The following IFT172 variants were observed in gnomAD, a reference collection of about 807,000 sequenced individuals.
IFT172 encodes intraflagellar transport protein 172 homolog.
A neutral mutation model predicts 248.9 loss-of-function variants in IFT172; 164 were observed. That is an observed-to-expected ratio of 0.66 (90% CI 0.58 to 0.75). The LOEUF (loss-of-function observed/expected upper bound fraction) is 0.75, where lower values mean the gene tolerates loss of function less well. Ranked by LOEUF, IFT172 falls within the 30% of genes least tolerant of loss-of-function variation. IFT172 has a pLI of 0.00. For missense variants in IFT172, 1,950 were observed against 2,192.4 expected (o/e 0.89, Z 2.21); for synonymous variants, 729 against 791.6 (o/e 0.92, Z 1.33).
At chr2:27,448,069 TTTTATTTTTA>T (rs1465276688) in intron 40 of IFT172, 147 bp from the exon 41 acceptor site, 2 of 405,218 alleles carry the variant, frequency 4.9e-6, no homozygotes, top group East Asian at 3.6e-5. Flanking sequence ...AGTGGCAGAT[TTTTATTTTTA>T]TTTATTTTTA....
rs747938088 is a variant in IFT172, at chr2:27,445,027, A to C, written c.5147T>G (p.Leu1716Arg). The change falls in exon 47 of 48, where the codon CTT becomes CGT. Residue 1716 changes from leucine (L) to arginine (R), a missense_variant. Transcript: ENST00000260570. The surrounding 1 kb of genome is among the most constrained non-coding windows in gnomAD (Gnocchi z 4.4). Reference protein sequence around the residue: ...AANKDNWNKFLMAIKTSHSPV... With the variant: ...AANKDNWNKFRMAIKTSHSPV... The stretch of plus-strand genomic sequence containing the variant: ...CTCCTCTCTAACCTTGATGGCCATA[A>C]GGAATTTATTCCAGTTGTCCTTGTT... 1.2e-6 allele frequency: 2 copies of C among 1,613,962 alleles called. No individual in the cohort carries two copies. Among genetic ancestry groups the C allele is most frequent in the Non-Finnish European group, 1.7e-6 (2 of 1,179,978 alleles).
In IFT172 at chr2:27,453,511, C is replaced by G; in HGVS notation, c.3824G>C (p.Gly1275Ala). The change falls in exon 35 of 48, where the codon GGT (glycine) becomes GCT (alanine). Residue 1275 changes from glycine (G) to alanine (A), a missense_variant and splice_region_variant. Physicochemically the swap from Gly to Ala is moderately conservative, Grantham distance 60. This residue lies in a region of IFT172 where 620 missense variants were observed against 699.0 expected (regional missense o/e 0.89). Coordinates refer to ENST00000260570, the MANE Select transcript of IFT172 (RefSeq NM_015662.3). The stretch of plus-strand genomic sequence containing the variant: ...AGCTTGTTCCACAAATCCCTCCACA[C>G]CCCTGTGGAGATGAGAGCGCTGGGA... ...EREATKKGAR[G>A]VEGFVEQARH... 6.2e-7 allele frequency: 1 copy of G among 1,614,012 alleles called. No homozygotes were observed. Among genetic ancestry groups the G allele is most frequent in the Admixed American group, 1.7e-5 (1 of 60,004 alleles).
chr2:27,450,101 G>A lies in IFT172; in HGVS notation c.3952-5C>T. The A allele has an allele frequency of 6.2e-7, 1 of 1,608,880 alleles. No individual in the cohort carries two copies. On this transcript the variant is annotated splice_polypyrimidine_tract_variant and splice_region_variant and intron_variant, in intron 35 of 47. Coordinates refer to ENST00000260570, the MANE Select transcript of IFT172 (RefSeq NM_015662.3). ...CTTGATGGAGAGTTCAGCTGCCTGA[G>A]TGGTTGAACAGAAGATGGAAATGGG...
At chr2:27,466,357 A>T (rs1667085429) in intron 16 of IFT172, among the ~76,000 whole-genome samples, 1 of 152,236 alleles carries the variant, frequency 6.6e-6, no homozygotes, top group Non-Finnish European at 1.5e-5. Context: ...AGCAAATGGG[A>T]AAAGTACAGT....
intron 16 of IFT172, among the ~76,000 whole-genome samples, chr2:27,470,537 T>C (rs1667482945): frequency 6.6e-6 from 1 of 152,112 alleles, no homozygotes; most frequent in South Asian, 2.1e-4. Flanking sequence ...TGTATGATGT[T>C]GTGGTAGGAC....
intron 14 of IFT172, among the ~76,000 whole-genome samples, chr2:27,472,755 C>T (rs1342968305): frequency 2.6e-5 from 4 of 152,284 alleles, no homozygotes; most frequent in Non-Finnish European, 5.9e-5. Flanking sequence ...AAGAGCACTG[C>T]AAGGGTGGAT....
At chr2:27,486,395 C>T (rs1272926312) in intron 1 of IFT172, among the ~76,000 whole-genome samples, 2 of 152,178 alleles carry the variant, frequency 1.3e-5, no homozygotes, top group Admixed American at 6.5e-5. Flanking sequence ...TTATTCTGAC[C>T]AGATCTGACC....
chr2:27,446,237 C>T (rs1665084724), intron 43 of IFT172, 23 bp downstream of exon 43: 2 of 1,609,842 alleles, frequency 1.2e-6, no homozygotes, highest in East Asian at 2.2e-5. Context: ...CTATCTGCCC[C>T]ACCCTTCCTT....
chr2:27,466,790 G>C (rs1667116066), intron 16 of IFT172, among the ~76,000 whole-genome samples: 1 of 151,780 alleles, frequency 6.6e-6, no homozygotes, highest in South Asian at 2.1e-4. Flanking sequence ...GGTGGGAGGA[G>C]CACTTGAGCT....
intron 24 of IFT172, 68 bp from the exon 25 acceptor site, chr2:27,459,590 C>T: frequency 2.5e-6 from 4 of 1,604,416 alleles, no homozygotes; most frequent in Non-Finnish European, 2.6e-6. Flanking sequence ...TAAAAGGACC[C>T]TTTAAGCACA....
chr2:27,446,927 C>T (rs530297270), intron 42 of IFT172, among the ~76,000 whole-genome samples: 130 of 152,054 alleles, frequency 8.5e-4, no homozygotes, highest in African/African-American at 3.1e-3. Context: ...TCTCGATCTC[C>T]TGACCTCATG....
At chr2:27,483,775 C>A (rs188546350) in intron 5 of IFT172, 97 bp downstream of exon 5, 5 of 1,421,816 alleles carry the variant, frequency 3.5e-6, no homozygotes, top group East Asian at 2.3e-5. Context: ...CTCCCCAGTA[C>A]GCAACTTGAT....
Position 27,461,830 on chromosome 2 carries a change from C to T in IFT172, c.2122G>A (p.Val708Met), listed in dbSNP as rs140506322. The change falls in exon 21 of 48, where the codon GTG (valine) becomes ATG (methionine). Residue 708 changes from valine to methionine, a missense_variant. Transcript: ENST00000260570. ...TGGTACATGCCCATGGCCTCCTCCA[C>T]AGCATTCTAGGGGAAACAGGCAGAG... ...AEMIFLEQNA[V>M]EEAMGMYQEL... The T allele has an allele frequency of 1.9e-4, 312 of 1,614,054 alleles. No homozygotes were observed. Among genetic ancestry groups the T allele is most frequent in the Non-Finnish European group, 2.6e-4 (305 of 1,180,040 alleles).
At position 27,485,136 on chromosome 2, in the gene IFT172, A is replaced by G. The variant is rs371658303; in HGVS notation, c.184-6T>C. On this transcript the variant is annotated splice_region_variant and splice_polypyrimidine_tract_variant and intron_variant, in intron 2 of 47. Coordinates refer to ENST00000260570, the MANE Select transcript of IFT172 (RefSeq NM_015662.3). ...ATATAGCTCTTCCTGCCATACTAAG[A>G]GTTTAAAAAAAAAAAAAGAAAGAAA... The G allele has an allele frequency of 2.6e-6, 4 of 1,532,530 alleles. No homozygotes were observed. The highest frequency in any genetic ancestry group is 1.2e-5 in the South Asian group (1 of 85,018). 94.9% of individuals were successfully genotyped at this position (1,532,530 alleles called of 1,614,324 possible). A position where few individuals can be genotyped will look rare whatever the true frequency, so the allele number is the denominator to read the frequency against.
At chr2:27,464,902 G>A (rs569237818) in intron 18 of IFT172, among the ~76,000 whole-genome samples, 49 of 150,156 alleles carry the variant, frequency 3.3e-4, no homozygotes, top group African/African-American at 9.1e-4. Context: ...ACAGGCATGA[G>A]CCGCCGTGCC....
At position 27,476,871 on chromosome 2, in the gene IFT172, G is replaced by C. The variant is rs1667991896; in HGVS notation, c.1326-145C>G. ...GGGTCTCACTCTGGTTGCCAAAGCT[G>C]AAGTGCAGTGGTGTGATCACGGCTC... On this transcript the variant is annotated intron_variant, in intron 13 of 47. Transcript: ENST00000260570. The C allele has an allele frequency of 6.4e-6, 4 of 625,778 alleles. No individual in the cohort carries two copies. In the South Asian group the frequency reaches 8.2e-5, roughly 13 times the overall value. 38.8% of individuals were successfully genotyped at this position (625,778 alleles called of 1,614,324 possible). A position where few individuals can be genotyped will look rare whatever the true frequency, so the allele number is the denominator to read the frequency against.
At chr2:27,485,274 C>G in intron 2 of IFT172, 86 bp downstream of exon 2, 1 of 1,589,726 alleles carries the variant, frequency 6.3e-7, no homozygotes, top group Non-Finnish European at 8.6e-7. Context: ...ATTTCCTATG[C>G]TGATGGCTAG....
At chr2:27,459,606 A>G in intron 24 of IFT172, 84 bp from the exon 25 acceptor site, 2 of 1,602,270 alleles carry the variant, frequency 1.2e-6, no homozygotes, top group South Asian at 1.1e-5. Flanking sequence ...GCACACTTCA[A>G]CCTACATTTT....
chr2:27,465,024 C>G (rs1053915149), intron 18 of IFT172, among the ~76,000 whole-genome samples: 5 of 151,502 alleles, frequency 3.3e-5, no homozygotes, highest in African/African-American at 1.2e-4. Flanking sequence ...TGGGTTCAAG[C>G]AATTCTCCTG....
Sources: allele counts gnomAD v4.1 joint callset (sites outside exome capture counted in the v4.1 genomes callset), GRCh38; gene constraint gnomAD v4.1.1; regional missense constraint gnomAD v4.1.1; non-coding constraint Gnocchi (gnomAD v3.1); transcripts MANE v1.5; gene names NCBI Gene and HGNC (gene_info 2026-07-23, HGNC 2026-07-21).